Variants in ATRNL1 observed in about 807,000 individuals in gnomAD.
ATRNL1 encodes the protein attractin-like protein 1.
ATRNL1 carries 95 observed loss-of-function variants against 182.7 expected under a neutral mutation model. The ratio of observed to expected loss-of-function variants is 0.52; its 90% CI spans 0.44 to 0.62. The LOEUF is 0.62. Ranked by LOEUF, ATRNL1 falls within the 20% of genes least tolerant of loss-of-function variation. The pLI is 0.00. For missense variants in ATRNL1, 1,471 were observed against 1,679.5 expected (o/e 0.88, Z 2.17); for synonymous variants, 576 against 568.3 (o/e 1.01, Z -0.19).
At chr10:115,765,888 A>G (rs1455084782) in intron 27 of ATRNL1, among the ~76,000 whole-genome samples, 1 of 152,196 alleles carries the variant, frequency 6.6e-6, no homozygotes, top group African/African-American at 2.4e-5. Context: ...CCACTGATGT[A>G]TACAATTAGA....
intron 5 of ATRNL1, among the ~76,000 whole-genome samples, chr10:115,137,461 C>T (rs1308390765): frequency 6.6e-6 from 1 of 152,058 alleles, no homozygotes; most frequent in Non-Finnish European, 1.5e-5. Flanking sequence ...AAAGACATAC[C>T]CAAGACTGGG....
chr10:115,288,764 C>G (rs1366214075), intron 15 of ATRNL1, among the ~76,000 whole-genome samples: 1 of 152,018 alleles, frequency 6.6e-6, no homozygotes, highest in Non-Finnish European at 1.5e-5. Flanking sequence ...TCAGGTAATC[C>G]GCCCACCATG....
At chr10:115,833,024 A>C (rs1428797309) in intron 27 of ATRNL1, among the ~76,000 whole-genome samples, 1 of 152,008 alleles carries the variant, frequency 6.6e-6, no homozygotes, top group African/African-American at 2.4e-5. Flanking sequence ...TTCCTTCAGG[A>C]CATGTAAGAG....
intron 24 of ATRNL1, among the ~76,000 whole-genome samples, chr10:115,481,748 C>CT (rs1218054792): frequency 3.3e-5 from 5 of 150,672 alleles, no homozygotes; most frequent in Non-Finnish European, 7.5e-5. Context: ...CTCAGGACAG[C>CT]TTCCTGAGGA....
rs116904078 is a variant in ATRNL1, at chr10:115,313,457, G to A, written c.2819-2061G>A. Among the ~76,000 whole-genome samples the A allele has an allele frequency of 2.9e-4, 44 of 152,296 alleles. No individual in the cohort carries two copies. In the East Asian group the frequency reaches 7.5e-3, roughly 26 times the overall value. ...GTGGCTTTCTCAGATACTGGTTGTAGTAGTGATGTGCTCCATTTATAAGTA... is the reference window on the plus strand; with the variant it reads ...GTGGCTTTCTCAGATACTGGTTGTAATAGTGATGTGCTCCATTTATAAGTA... On this transcript the variant is annotated intron_variant, in intron 17 of 28. Coordinates refer to ENST00000355044, the MANE Select transcript of ATRNL1 (RefSeq NM_207303.4).
chr10:115,597,155 G>A (rs889951351), intron 26 of ATRNL1, among the ~76,000 whole-genome samples: 11 of 152,060 alleles, frequency 7.2e-5, no homozygotes, highest in African/African-American at 2.7e-4. Flanking sequence ...TTAAATGTAA[G>A]GTAATAATTT....
chr10:115,301,420 T>C (rs1472384546), intron 16 of ATRNL1, among the ~76,000 whole-genome samples: 1 of 152,238 alleles, frequency 6.6e-6, no homozygotes. Context: ...TTGTATCTTG[T>C]GTAATATTTT....
At chr10:115,900,427 A>G (rs1405008515) in intron 28 of ATRNL1, among the ~76,000 whole-genome samples, 1 of 152,254 alleles carries the variant, frequency 6.6e-6, no homozygotes, top group Non-Finnish European at 1.5e-5. Context: ...GTTCATCAAA[A>G]GATTTCATTT....
chr10:115,149,548 G>A (rs1592169781), intron 5 of ATRNL1, among the ~76,000 whole-genome samples: 1 of 152,148 alleles, frequency 6.6e-6, no homozygotes, highest in South Asian at 2.1e-4. Flanking sequence ...TTATCGTGAA[G>A]GGATGTTGAA....
chr10:115,191,522 C>G (rs1053645680), intron 8 of ATRNL1, among the ~76,000 whole-genome samples: 1 of 151,862 alleles, frequency 6.6e-6, no homozygotes, highest in Admixed American at 6.6e-5. Flanking sequence ...GGCTTTGTGT[C>G]CCCACCCAAA....
At chr10:115,535,424 T>G (rs1851914051) in intron 25 of ATRNL1, among the ~76,000 whole-genome samples, 1 of 150,312 alleles carries the variant, frequency 6.7e-6, no homozygotes, top group Non-Finnish European at 1.5e-5. Context: ...TCTGCATTCT[T>G]CACGTAGTTC....
chr10:115,662,936 A>G (rs1860783282), intron 26 of ATRNL1, among the ~76,000 whole-genome samples: 3 of 152,168 alleles, frequency 2.0e-5, no homozygotes, highest in Admixed American at 2.0e-4. Context: ...GCTGCTAAAA[A>G]TTAGATTACT....
At chr10:115,344,815 T>C (rs145163735) in intron 19 of ATRNL1, among the ~76,000 whole-genome samples, 281 of 152,328 alleles carry the variant, frequency 1.8e-3, no homozygotes, top group African/African-American at 6.4e-3. Flanking sequence ...CTGCTGGTTA[T>C]TCAGGACCCA....
chr10:115,484,377 T>TA (rs1345999486), intron 24 of ATRNL1, among the ~76,000 whole-genome samples: 2 of 151,532 alleles, frequency 1.3e-5, no homozygotes, highest in African/African-American at 2.4e-5. Flanking sequence ...CTTTTACAGT[T>TA]AAAAAAACCA....
chr10:115,153,471 T>A (rs1320365661), intron 5 of ATRNL1, among the ~76,000 whole-genome samples: 4 of 152,220 alleles, frequency 2.6e-5, no homozygotes, highest in Non-Finnish European at 5.9e-5. Flanking sequence ...TTTATCCATT[T>A]CTTCTAGATT....
chr10:115,532,619 C>G (rs1168426584), intron 25 of ATRNL1, among the ~76,000 whole-genome samples: 13 of 150,986 alleles, frequency 8.6e-5, no homozygotes, highest in South Asian at 2.1e-4. Flanking sequence ...CCCTTTATTT[C>G]CTTCTCCTGC....
intron 25 of ATRNL1, among the ~76,000 whole-genome samples, chr10:115,533,345 C>G (rs574586629): frequency 6.6e-6 from 1 of 152,016 alleles, no homozygotes; most frequent in Non-Finnish European, 1.5e-5. Flanking sequence ...GTGTATGTAT[C>G]GAGGAATTTA....
At chr10:115,297,982 A>T (rs2133969041) in intron 15 of ATRNL1, among the ~76,000 whole-genome samples, 1 of 152,248 alleles carries the variant, frequency 6.6e-6, no homozygotes, top group African/African-American at 2.4e-5. Context: ...TAAGTTCATC[A>T]CACATTCAAA....
intron 18 of ATRNL1, among the ~76,000 whole-genome samples, chr10:115,320,206 T>C (rs781908757): frequency 1.3e-5 from 2 of 152,228 alleles, no homozygotes; most frequent in African/African-American, 4.8e-5. Flanking sequence ...TCTTTAAGAA[T>C]GCTGAATATT....
Sources: gnomAD v4.1 joint callset for allele counts (sites outside exome capture counted in the v4.1 genomes callset) on GRCh38, gnomAD v4.1.1 for gene constraint, MANE v1.5 for transcripts, NCBI Gene and HGNC (gene_info 2026-07-23, HGNC 2026-07-21) for gene names.